The following ZNF337 variants were observed in gnomAD, a reference collection of about 807,000 sequenced individuals.
ZNF337 encodes the protein zinc finger protein 337.
A neutral mutation model predicts 12.1 loss-of-function variants in ZNF337; 8 were observed. The ratio of observed to expected loss-of-function variants is 0.66; its 90% confidence interval spans 0.39 to 1.19. The LOEUF (loss-of-function observed/expected upper bound fraction) is 1.19. ZNF337 is among the 50% of genes most tolerant of loss of function. ZNF337 has a pLI of 0.01. For missense variants in ZNF337, 882 were observed against 896.6 expected (o/e 0.98, Z 0.21); for synonymous variants, 336 against 320.0 (o/e 1.05, Z -0.53).
At chr20:25,691,142 C>CA (rs1158903688) in intron 1 of ZNF337, among the ~76,000 whole-genome samples, 1 of 151,870 alleles carries the variant, frequency 6.6e-6, no homozygotes, top group Non-Finnish European at 1.5e-5. Context: ...AAAAAGGAAG[C>CA]AAACAAAAAT....
intron 4 of ZNF337, among the ~76,000 whole-genome samples, chr20:25,681,924 G>C (rs1185028695): frequency 6.6e-6 from 1 of 152,212 alleles, no homozygotes; most frequent in African/African-American, 2.4e-5. Flanking sequence ...TGGATGGAGA[G>C]AGCAATGCAC....
At chr20:25,696,068 G>T (rs1401806928) in intron 1 of ZNF337, among the ~76,000 whole-genome samples, 3 of 148,624 alleles carry the variant, frequency 2.0e-5, no homozygotes, top group African/African-American at 5.0e-5. Context: ...CACCTCCCGC[G>T]GACGCTGCCC....
chr20:25,691,939 A>C (rs2089509161), intron 1 of ZNF337, among the ~76,000 whole-genome samples: 1 of 152,144 alleles, frequency 6.6e-6, no homozygotes. Flanking sequence ...GGGCCAGGCA[A>C]TTAGGTAAGT....
intron 1 of ZNF337, among the ~76,000 whole-genome samples, chr20:25,691,509 G>A (rs2065881915): frequency 6.6e-6 from 1 of 152,172 alleles, no homozygotes; most frequent in South Asian, 2.1e-4. Context: ...CATGAAACCA[G>A]CTTCAGGAAC....
Position 25,676,467 on chromosome 20 carries a change from G to A in ZNF337, c.821C>T (p.Thr274Ile). 2 of 1,607,654 alleles carry A rather than the reference G, an allele frequency of 1.2e-6. No individual in the cohort carries two copies. The highest frequency in any genetic ancestry group is 2.2e-5 in the South Asian group (2 of 90,540). The change falls in exon 5 of 5, where the codon ACC becomes ATC. Residue 274 changes from threonine (T) to isoleucine (I), a missense_variant. Transcript: ENST00000252979. Reference protein sequence around the residue: ...FLCKVCGRGYTSKSYLTVHER... With the variant: ...FLCKVCGRGYISKSYLTVHER... Reference sequence around the variant, plus strand: ...ATGCACAGTGAGGTATGACTTACTGGTATAGCCTCGTCCACACACCTTGCA... The same window carrying A: ...ATGCACAGTGAGGTATGACTTACTGATATAGCCTCGTCCACACACCTTGCA...
chr20:25,695,397 T>G (rs960610316), intron 1 of ZNF337, among the ~76,000 whole-genome samples: 6 of 152,218 alleles, frequency 3.9e-5, no homozygotes, highest in African/African-American at 1.4e-4. Context: ...TCCCCTTAAC[T>G]CTGGCATGCT....
rs145640714 is a variant in ZNF337, at chr20:25,678,398, G to C, written c.251-1361C>G. 5.2e-3 allele frequency among the ~76,000 whole-genome samples: 799 copies of C among 152,234 alleles called. 4 individuals carry two copies. Among genetic ancestry groups the C allele is most frequent in the Non-Finnish European group, 6.9e-3 (467 of 68,010 alleles). ...ACAAACAAATGAAAAGACATCTTATGTTCATGGAGCAAAATAATACTGTTG... is the reference window on the plus strand; with the variant it reads ...ACAAACAAATGAAAAGACATCTTATCTTCATGGAGCAAAATAATACTGTTG... On this transcript the variant is annotated intron_variant, in intron 4 of 4. Transcript: ENST00000252979.
At chr20:25,688,835 G>GGT (rs1406915770) in intron 1 of ZNF337, among the ~76,000 whole-genome samples, 1 of 152,056 alleles carries the variant, frequency 6.6e-6, no homozygotes, top group Admixed American at 6.6e-5. Flanking sequence ...GTTAAGTAAG[G>GGT]GTAAGTATCT....
intron 4 of ZNF337, chr20:25,678,116 GTC>G (rs1465973145): frequency 6.6e-6 from 1 of 152,028 alleles, no homozygotes; most frequent in Non-Finnish European, 1.5e-5. Flanking sequence ...AAGTCAAATT[GTC>G]TCTTTTTGCA....
At chr20:25,693,118 C>T (rs942641343) in intron 1 of ZNF337, among the ~76,000 whole-genome samples, 3 of 152,156 alleles carry the variant, frequency 2.0e-5, no homozygotes, top group South Asian at 4.2e-4. Flanking sequence ...TCACTGTCCC[C>T]CAGGCTGTAG....
rs1433513400 is a variant in ZNF337, at chr20:25,676,384, T to C, written c.904A>G (p.Asn302Asp). 3 of 1,614,048 alleles carry C rather than the reference T, an allele frequency of 1.9e-6. No homozygotes were observed. The South Asian group carries it at 3.3e-5, about 18-fold the overall frequency. The change falls in exon 5 of 5, where the codon AAC becomes GAC. Residue 302 changes from asparagine (N) to aspartate (D), a missense_variant. By Grantham distance (23) the Asn-to-Asp change is conservative. Transcript: ENST00000252979. ...YECQECGRRF[N>D]DKSSYNKHLK... ...TGCTTGTTGTATGAGGACTTATCGT[T>C]AAACCTTCGCCCACACTCCTGGCAT...
chr20:25,695,000 GTGGCTCACGCCTGTAAT>G (rs2065908901), intron 1 of ZNF337, among the ~76,000 whole-genome samples: 1 of 152,208 alleles, frequency 6.6e-6, no homozygotes, highest in African/African-American at 2.4e-5. Flanking sequence ...CTGACGCGCG[GTGGCTCACGCCTGTAAT>G]CCCAGCACTT....
At chr20:25,693,089 T>A (rs1376118588) in intron 1 of ZNF337, among the ~76,000 whole-genome samples, 1 of 152,234 alleles carries the variant, frequency 6.6e-6, no homozygotes, top group African/African-American at 2.4e-5. Context: ...TAAAAATTAT[T>A]ATTTTTTGAG....
At position 25,676,443 on chromosome 20, in the gene ZNF337, T is replaced by G. The variant is rs1215589491; in HGVS notation, c.845A>C (p.His282Pro). Residue 282 changes from histidine to proline, a missense_variant, in exon 5 of 5, where the codon CAT becomes CCT. By Grantham distance (77) the His-to-Pro change is moderately conservative (BLOSUM62 -2). Transcript: ENST00000252979. ...CTTCTCTCCTGTGTGTGTTCTCTCATGCACAGTGAGGTATGACTTACTGGT... is the reference window on the plus strand; with the variant it reads ...CTTCTCTCCTGTGTGTGTTCTCTCAGGCACAGTGAGGTATGACTTACTGGT... The part of the protein sequence containing the change: ...GYTSKSYLTV[H>P]ERTHTGEKPY... 9.9e-6 allele frequency: 16 copies of G among 1,614,100 alleles called. No homozygotes were observed. The highest frequency in any genetic ancestry group is 1.4e-5 in the Non-Finnish European group (16 of 1,180,002).
Position 25,675,001 on chromosome 20 carries a change from T to G in ZNF337, c.*31A>C, listed in dbSNP as rs778026408. On this transcript the variant is annotated 3_prime_UTR_variant, in exon 5 of 5. Transcript: ENST00000252979. Reference sequence around the variant, plus strand: ...AACAAAGCAAAGTTACTCTCCTGAGTGTGTCCTCTGATGGATGGTGAGATA... The same window carrying G: ...AACAAAGCAAAGTTACTCTCCTGAGGGTGTCCTCTGATGGATGGTGAGATA... 1 of 1,588,270 alleles carries G rather than the reference T, an allele frequency of 6.3e-7. No homozygotes were observed. Among genetic ancestry groups the G allele is most frequent in the African/African-American group, 1.3e-5 (1 of 74,368 alleles).
intron 1 of ZNF337, chr20:25,686,811 T>C: frequency 9.0e-6 from 2 of 222,040 alleles, no homozygotes; most frequent in Non-Finnish European, 1.8e-5. Context: ...GCTGTCTGCC[T>C]CTTCTAGCCT....
intron 1 of ZNF337, among the ~76,000 whole-genome samples, chr20:25,695,844 T>G (rs1394356979): frequency 6.6e-6 from 1 of 152,186 alleles, no homozygotes; most frequent in African/African-American, 2.4e-5. Flanking sequence ...TGACTTTACC[T>G]GAAATTCCTG....
Position 25,675,017 on chromosome 20 carries a change from T to A in ZNF337, c.*15A>T, listed in dbSNP as rs770806731. 1 of 1,604,312 alleles carries A rather than the reference T, an allele frequency of 6.2e-7. No individual in the cohort carries two copies. Among genetic ancestry groups the A allele is most frequent in the Non-Finnish European group, 8.5e-7 (1 of 1,174,162 alleles). The stretch of plus-strand genomic sequence containing the variant: ...TCTCCTGAGTGTGTCCTCTGATGGA[T>A]GGTGAGATATAACTTCAAGATGAAG... On this transcript the variant is annotated 3_prime_UTR_variant, in exon 5 of 5. Coordinates refer to ENST00000252979, the MANE Select transcript of ZNF337 (RefSeq NM_015655.4).
intron 1 of ZNF337, among the ~76,000 whole-genome samples, chr20:25,695,703 C>T (rs1017787715): frequency 4.6e-5 from 7 of 152,096 alleles, no homozygotes; most frequent in African/African-American, 7.2e-5. Context: ...CACCACGCCC[C>T]GCTAATTTTT....
Sources: allele counts gnomAD v4.1 joint callset (sites outside exome capture counted in the v4.1 genomes callset), GRCh38; gene constraint gnomAD v4.1.1; transcripts MANE v1.5; gene names NCBI Gene and HGNC (gene_info 2026-07-23, HGNC 2026-07-21).